OSBPL6: variants seen among roughly 807,000 people sequenced by gnomAD.
OSBPL6 encodes oxysterol binding protein like 6, also known as oxysterol-binding protein-related protein 6.
A neutral mutation model predicts 125.8 loss-of-function variants in OSBPL6; 49 were observed. The ratio of observed to expected loss-of-function variants is 0.39; its 90% CI spans 0.31 to 0.49. OSBPL6 has a LOEUF of 0.49. OSBPL6 is among the 20% of genes least tolerant of loss of function. The pLI, the probability that OSBPL6 is intolerant of heterozygous loss-of-function variation, is 0.88. For synonymous variants in OSBPL6, 394 were observed against 391.8 expected (o/e 1.01, Z -0.07); for missense variants, 986 against 1,135.4 (o/e 0.87, Z 1.89).
At chr2:178,308,037 T>C (rs1022744457) in intron 3 of OSBPL6, among the ~76,000 whole-genome samples, 2 of 152,228 alleles carry the variant, frequency 1.3e-5, no homozygotes, top group African/African-American at 2.4e-5. Context: ...TGTACATGGA[T>C]AATGAGTTCT....
chr2:178,344,281 G>A (rs199824929), intron 11 of OSBPL6: 24 of 1,613,234 alleles, frequency 1.5e-5, no homozygotes, highest in South Asian at 9.9e-5. Flanking sequence ...CCCATTCACC[G>A]TCAGGAAGGG....
At chr2:178,255,563 C>A (rs568541329) in intron 1 of OSBPL6, among the ~76,000 whole-genome samples, 1 of 152,314 alleles carries the variant, frequency 6.6e-6, no homozygotes, top group South Asian at 2.1e-4. Flanking sequence ...GGTATCAATA[C>A]CATTGTCTTC....
At chr2:178,322,301 G>C (rs1485178234) in intron 3 of OSBPL6, among the ~76,000 whole-genome samples, 1 of 152,212 alleles carries the variant, frequency 6.6e-6, no homozygotes, top group Non-Finnish European at 1.5e-5. Flanking sequence ...CAACCTGAAA[G>C]GATGGGGATC....
At chr2:178,343,858 C>T (rs1690454106) in intron 11 of OSBPL6, among the ~76,000 whole-genome samples, 1 of 152,158 alleles carries the variant, frequency 6.6e-6, no homozygotes, top group Non-Finnish European at 1.5e-5. Context: ...CATTATGAGG[C>T]TCTCATTACA....
intron 2 of OSBPL6, among the ~76,000 whole-genome samples, chr2:178,299,139 G>A (rs895697962): frequency 6.6e-6 from 1 of 152,188 alleles, no homozygotes; most frequent in African/African-American, 2.4e-5. Flanking sequence ...TTCAAAACAT[G>A]TTGGCAAAGG....
intron 3 of OSBPL6, among the ~76,000 whole-genome samples, chr2:178,319,549 T>C (rs1047318671): frequency 3.3e-5 from 5 of 152,222 alleles, no homozygotes; most frequent in Non-Finnish European, 5.9e-5. Flanking sequence ...TGTGTGCCTC[T>C]CTTAATCTCT....
intron 11 of OSBPL6, among the ~76,000 whole-genome samples, chr2:178,344,825 G>A (rs915580654): frequency 2.0e-5 from 3 of 152,148 alleles, no homozygotes; most frequent in Admixed American, 1.3e-4. Flanking sequence ...GAGAGGGTAA[G>A]AAAAGGTGAA....
intron 1 of OSBPL6, among the ~76,000 whole-genome samples, chr2:178,260,719 AT>A (rs1364534077): frequency 6.6e-6 from 1 of 152,180 alleles, no homozygotes; most frequent in Non-Finnish European, 1.5e-5. Flanking sequence ...ATAACAAGAG[AT>A]TTTTTAAAAA....
intron 1 of OSBPL6, among the ~76,000 whole-genome samples, chr2:178,204,426 T>A (rs963266622): frequency 1.3e-5 from 2 of 152,196 alleles, no homozygotes; most frequent in African/African-American, 4.8e-5. Flanking sequence ...TTCTGAACTG[T>A]CAGCTCAAGT....
rs1689207975 is a variant in OSBPL6, at chr2:178,331,655, G to A, written c.372+50G>A. On this transcript the variant is annotated intron_variant, in intron 6 of 24. Transcript: ENST00000190611. ...CAAAGGTTGATTTCGAATTCTGCTT[G>A]AAGTGAGTAAACACTGTAATTGTAC... 2.5e-6 allele frequency: 4 copies of A among 1,572,094 alleles called. No homozygotes were observed. The East Asian group carries it at 9.0e-5, about 35-fold the overall frequency.
At chr2:178,345,097 T>C (rs977116470) in intron 11 of OSBPL6, among the ~76,000 whole-genome samples, 2 of 152,104 alleles carry the variant, frequency 1.3e-5, no homozygotes, top group Admixed American at 1.3e-4. Flanking sequence ...AAATAGACTA[T>C]CAAAACACAA....
chr2:178,394,256 T>A lies in OSBPL6; in HGVS notation c.2574-57T>A, dbSNP rs1223312882. 6 of 1,584,612 alleles carry A rather than the reference T, an allele frequency of 3.8e-6. No individual in the cohort carries two copies. In the Admixed American group the frequency reaches 9.7e-5, roughly 26 times the overall value. On this transcript the variant is annotated intron_variant, in intron 23 of 24. Transcript: ENST00000190611. ...GAAAACAATTTTGTGCAAATGAGGT[T>A]TTTTTTCCCCCAGAAAAGAGGATAA...
intron 3 of OSBPL6, among the ~76,000 whole-genome samples, chr2:178,317,960 G>A (rs1193689067): frequency 6.6e-6 from 1 of 152,144 alleles, no homozygotes; most frequent in Non-Finnish European, 1.5e-5. Context: ...GTTTATAATT[G>A]CCGTAATGAA....
intron 3 of OSBPL6, among the ~76,000 whole-genome samples, chr2:178,315,251 G>A (rs530101247): frequency 6.6e-5 from 10 of 152,128 alleles, no homozygotes; most frequent in African/African-American, 1.9e-4. Flanking sequence ...TCTTGGCATC[G>A]CCACCTTTTG....
At position 178,323,069 on chromosome 2, in the gene OSBPL6, G is replaced by T. The variant is rs1486514349; in HGVS notation, c.103-1108G>T. Among the ~76,000 whole-genome samples, 3 of 152,232 alleles carry T rather than the reference G, an allele frequency of 2.0e-5. No homozygotes were observed. In the East Asian group the frequency reaches 5.8e-4, roughly 29 times the overall value. ...GCCAAGATAGTGAAGTATTCTTAAT[G>T]AGTAGATTTATGTAATTTAGGTTAA... On this transcript the variant is annotated intron_variant, in intron 3 of 24. Transcript: ENST00000190611.
chr2:178,332,165 A>G lies in OSBPL6; in HGVS notation c.373-476A>G, dbSNP rs528091578. ...GTTTTGTCCCCATCCCTGCCATTGA[A>G]TCAGCCATGTCCTTGATCAGTGGAG... On this transcript the variant is annotated intron_variant, in intron 6 of 24. Coordinates refer to ENST00000190611, the MANE Select transcript of OSBPL6 (RefSeq NM_032523.4). 5.3e-5 allele frequency among the ~76,000 whole-genome samples: 8 copies of G among 152,260 alleles called. No individual in the cohort carries two copies. In the South Asian group the frequency reaches 1.7e-3, roughly 32 times the overall value.
At chr2:178,345,397 C>T (rs534836323) in intron 11 of OSBPL6, among the ~76,000 whole-genome samples, 1 of 152,232 alleles carries the variant, frequency 6.6e-6, no homozygotes, top group African/African-American at 2.4e-5. Context: ...TGGCTCTTGC[C>T]TTATATGTGG....
chr2:178,209,709 T>C (rs552355259), intron 1 of OSBPL6, among the ~76,000 whole-genome samples: 2 of 152,142 alleles, frequency 1.3e-5, no homozygotes, highest in East Asian at 3.9e-4. Context: ...AGTGGGTCTT[T>C]TAAACTGAGG....
chr2:178,245,069 G>A (rs901747067), intron 1 of OSBPL6, among the ~76,000 whole-genome samples: 1 of 152,164 alleles, frequency 6.6e-6, no homozygotes, highest in Non-Finnish European at 1.5e-5. Flanking sequence ...TTATACTGCA[G>A]CAACTTCTTA....
Sources: allele counts gnomAD v4.1 joint callset (sites outside exome capture counted in the v4.1 genomes callset), GRCh38; gene constraint gnomAD v4.1.1; transcripts MANE v1.5; gene names NCBI Gene and HGNC (gene_info 2026-07-23, HGNC 2026-07-21).